The following RABGAP1L variants were observed in gnomAD, a reference collection of about 807,000 sequenced individuals.
RABGAP1L encodes RAB GTPase activating protein 1 like.
A neutral mutation model predicts 137.7 loss-of-function variants in RABGAP1L; 63 were observed. That is an observed-to-expected ratio of 0.46 (90% CI 0.37 to 0.56). The LOEUF (loss-of-function observed/expected upper bound fraction) is 0.56. RABGAP1L is among the 20% of genes least tolerant of loss of function. RABGAP1L has a pLI of 0.00. For synonymous variants in RABGAP1L, 431 were observed against 433.7 expected, an observed-to-expected ratio of 0.99 and a Z score of 0.08; for missense variants, 1,095 against 1,244.0, an observed-to-expected ratio of 0.88 and a Z score of 1.80.
intron 13 of RABGAP1L, among the ~76,000 whole-genome samples, chr1:174,541,951 T>C (rs969829414): frequency 1.2e-4 from 18 of 152,210 alleles, no homozygotes; most frequent in African/African-American, 4.3e-4. Flanking sequence ...GCCAACTTGA[T>C]CGTGGTGGAT....
intron 11 of RABGAP1L, among the ~76,000 whole-genome samples, chr1:174,365,537 T>C (rs1001133810): frequency 3.3e-5 from 5 of 152,112 alleles, no homozygotes; most frequent in African/African-American, 4.8e-5. Flanking sequence ...CCCTGCTGGC[T>C]AGGGCTGGTC....
At chr1:174,583,403 A>G (rs1557869730) in intron 13 of RABGAP1L, among the ~76,000 whole-genome samples, 2 of 152,066 alleles carry the variant, frequency 1.3e-5, no homozygotes, top group African/African-American at 2.4e-5. Flanking sequence ...GTGTTCTAAG[A>G]TAGTGGTGAT....
At chr1:174,812,046 G>T in intron 19 of RABGAP1L, 86 bp downstream of exon 19, 2 of 1,246,674 alleles carry the variant, frequency 1.6e-6, no homozygotes, top group Non-Finnish European at 2.1e-6. Flanking sequence ...TTTATATGTT[G>T]CAAGGTTTGA....
intron 1 of RABGAP1L, among the ~76,000 whole-genome samples, chr1:174,214,164 A>G (rs988239768): frequency 6.6e-6 from 1 of 152,238 alleles, no homozygotes; most frequent in Non-Finnish European, 1.5e-5. Flanking sequence ...AAAAATCAAC[A>G]TATAAAAATC....
intron 11 of RABGAP1L, among the ~76,000 whole-genome samples, chr1:174,359,957 T>C (rs1683989293): frequency 1.3e-5 from 2 of 152,196 alleles, no homozygotes; most frequent in Admixed American, 1.3e-4. Context: ...CCAAGTACTG[T>C]TTTTCCATCC....
rs151074499 is a variant in RABGAP1L at position 174,342,358 on chromosome 1, C to G, written c.1466-28621C>G. Among the ~76,000 whole-genome samples, 236 of 151,976 alleles carry G rather than the reference C, an allele frequency of 1.6e-3. 1 individual carries two copies. Among genetic ancestry groups the G allele is most frequent in the African/African-American group, 5.5e-3 (228 of 41,420 alleles). ...AATATAATAGCATTTTCTATTTTTCCCTAGTAAGTATTGTTGATGGTTGTC... is the reference window on the plus strand; with the variant it reads ...AATATAATAGCATTTTCTATTTTTCGCTAGTAAGTATTGTTGATGGTTGTC... On this transcript the variant is annotated intron_variant, in intron 11 of 25. Coordinates refer to ENST00000681986, the MANE Select transcript of RABGAP1L (RefSeq NM_001366446.1).
intron 13 of RABGAP1L, among the ~76,000 whole-genome samples, chr1:174,605,321 A>G (rs1464056096): frequency 1.3e-5 from 2 of 152,194 alleles, no homozygotes; most frequent in Non-Finnish European, 2.9e-5. Context: ...AAATGCTATC[A>G]TAAGCAGATG....
chr1:174,183,318 G>C (rs1321880001), intron 1 of RABGAP1L, among the ~76,000 whole-genome samples: 1 of 152,122 alleles, frequency 6.6e-6, no homozygotes, highest in Non-Finnish European at 1.5e-5. Flanking sequence ...GCTCACTGGG[G>C]TGTTGCTTTG....
chr1:174,783,364 G>T (rs901660568), intron 18 of RABGAP1L, among the ~76,000 whole-genome samples: 1 of 152,110 alleles, frequency 6.6e-6, no homozygotes, highest in African/African-American at 2.4e-5. Flanking sequence ...AAGAACCCCA[G>T]GCCGGAGAAC....
chr1:174,162,776 TG>T (rs1664590654), intron 1 of RABGAP1L, among the ~76,000 whole-genome samples: 42 of 74,810 alleles, frequency 5.6e-4, no homozygotes, highest in African/African-American at 1.5e-3. Context: ...TTTCTCTTTC[TG>T]TTTTTTTTTT....
intron 14 of RABGAP1L, among the ~76,000 whole-genome samples, chr1:174,645,668 G>A (rs922751212): frequency 1.3e-5 from 2 of 152,104 alleles, no homozygotes; most frequent in Non-Finnish European, 2.9e-5. Flanking sequence ...GAATAGTGCT[G>A]CAATAAACAT....
At chr1:174,684,085 A>G (rs1678287263) in intron 15 of RABGAP1L, among the ~76,000 whole-genome samples, 2 of 152,258 alleles carry the variant, frequency 1.3e-5, no homozygotes, top group African/African-American at 4.8e-5. Flanking sequence ...AAGACTTCAT[A>G]GTCCAGGATG....
intron 18 of RABGAP1L, among the ~76,000 whole-genome samples, chr1:174,810,364 G>T (rs1052012608): frequency 1.8e-4 from 27 of 152,290 alleles, no homozygotes; most frequent in African/African-American, 6.5e-4. Context: ...GTCTCACTCA[G>T]ATCTTATATT....
chr1:174,310,672 T>A (rs1211537102), intron 11 of RABGAP1L, among the ~76,000 whole-genome samples: 1 of 152,234 alleles, frequency 6.6e-6, no homozygotes, highest in Non-Finnish European at 1.5e-5. Flanking sequence ...TTGACCTTTT[T>A]ATTATATAAT....
intron 1 of RABGAP1L, among the ~76,000 whole-genome samples, chr1:174,200,781 A>G (rs565325538): frequency 6.6e-6 from 1 of 152,214 alleles, no homozygotes; most frequent in Non-Finnish European, 1.5e-5. Flanking sequence ...TTTGATACAT[A>G]CAATTTTAGC....
In RABGAP1L at chr1:174,448,532, C is replaced by T. The variant is rs1367375509; in HGVS notation, c.1710+54387C>T. ...TGCTTGCATCAGTGTGGATCGTTAT[C>T]TTGCAATAACCAAGCCTCTTTCCTA... On this transcript the variant is annotated intron_variant, in intron 13 of 25. Coordinates refer to ENST00000681986, the MANE Select transcript of RABGAP1L (RefSeq NM_001366446.1). This position sits in a 1 kb window ranked among gnomAD's most constrained non-coding sequence, Gnocchi z 4.2. The T allele has an allele frequency of 3.1e-6, 5 of 1,611,198 alleles. No homozygotes were observed. Among genetic ancestry groups the T allele is most frequent in the Non-Finnish European group, 4.2e-6 (5 of 1,177,838 alleles).
At chr1:174,532,304 G>A (rs1664486597) in intron 13 of RABGAP1L, among the ~76,000 whole-genome samples, 1 of 151,914 alleles carries the variant, frequency 6.6e-6, no homozygotes, top group African/African-American at 2.4e-5. Context: ...TGCCTCCCGG[G>A]TTCGAGCAAG....
At chr1:174,692,485 G>A (rs1678941819) in intron 15 of RABGAP1L, among the ~76,000 whole-genome samples, 1 of 152,124 alleles carries the variant, frequency 6.6e-6, no homozygotes, top group Non-Finnish European at 1.5e-5. Context: ...AAAACCATGT[G>A]GAGAACCTTG....
At chr1:174,500,549 A>G (rs918723150) in intron 13 of RABGAP1L, among the ~76,000 whole-genome samples, 1 of 152,198 alleles carries the variant, frequency 6.6e-6, no homozygotes, top group Non-Finnish European at 1.5e-5. Context: ...TACCCTGCAG[A>G]TATTCATAGT....
Sources: allele counts gnomAD v4.1 joint callset (sites outside exome capture counted in the v4.1 genomes callset), GRCh38; gene constraint gnomAD v4.1.1; non-coding constraint Gnocchi (gnomAD v3.1); transcripts MANE v1.5; gene names NCBI Gene and HGNC (gene_info 2026-07-23, HGNC 2026-07-21).